Variants in CACNA1S observed in about 807,000 individuals in gnomAD.
CACNA1S encodes voltage-dependent L-type calcium channel subunit alpha-1S.
In CACNA1S, 126 loss-of-function variants were observed where a neutral mutation model predicts 207.4. That is an observed-to-expected ratio of 0.61 (90% CI 0.53 to 0.70). The LOEUF (loss-of-function observed/expected upper bound fraction) is 0.70, where lower values mean the gene tolerates loss of function less well. Among genes scored for constraint, CACNA1S ranks in the 30% least tolerant of loss-of-function variants. The pLI, the probability that CACNA1S is intolerant of heterozygous loss-of-function variation, is 0.00. For missense variants in CACNA1S, 2,349 were observed against 2,422.8 expected, an observed-to-expected ratio of 0.97 and a Z score of 0.64; for synonymous variants, 960 against 932.7, an observed-to-expected ratio of 1.03 and a Z score of -0.53.
chr1:201,077,045 G>C lies in CACNA1S; in HGVS notation c.1702C>G (p.Leu568Val). The change falls in exon 12 of 44, where the codon CTC becomes GTC. Residue 568 changes from leucine (L) to valine (V), a missense_variant. Coordinates refer to ENST00000362061, the MANE Select transcript of CACNA1S (RefSeq NM_000069.3). ...SIASLLLLLF[L>V]FIVIFALLGM... ...AGGAGGGCGAAGATGACGATGAAGAGGAAGAGCAGCAGCAGCAGGGAGGCG... is the reference window on the plus strand; with the variant it reads ...AGGAGGGCGAAGATGACGATGAAGACGAAGAGCAGCAGCAGCAGGGAGGCG... 1 of 1,614,262 alleles carries C rather than the reference G, an allele frequency of 6.2e-7. No homozygotes were observed. The highest frequency in any genetic ancestry group is 1.3e-5 in the African/African-American group (1 of 75,070).
intron 42 of CACNA1S, 30 bp downstream of exon 42, chr1:201,040,592 A>G (rs781381411): frequency 6.3e-7 from 1 of 1,590,490 alleles, no homozygotes; most frequent in South Asian, 1.1e-5. Context: ...CTCTGTATGG[A>G]GTTTGCTCCC....
At chr1:201,075,383 C>T in intron 13 of CACNA1S, 112 bp downstream of exon 13, 5 of 1,329,810 alleles carry the variant, frequency 3.8e-6, no homozygotes, top group Non-Finnish European at 5.3e-6. Flanking sequence ...GAGCTCCCCT[C>T]CAGCCAGAGG....
chr1:201,040,168 C>T (rs1458661396), intron 43 of CACNA1S, 63 bp downstream of exon 43: 17 of 1,611,986 alleles, frequency 1.1e-5, no homozygotes, highest in East Asian at 2.2e-5. Flanking sequence ...CCTCTCTCCA[C>T]GCCAGGCCAT....
At chr1:201,070,745 T>C (rs1412245783) in intron 16 of CACNA1S, among the ~76,000 whole-genome samples, 1 of 152,118 alleles carries the variant, frequency 6.6e-6, no homozygotes, top group Non-Finnish European at 1.5e-5. Flanking sequence ...GAAACGCTGC[T>C]TCAGAAGAAG....
At chr1:201,093,168 C>T (rs1572063511) in intron 3 of CACNA1S, among the ~76,000 whole-genome samples, 1 of 152,200 alleles carries the variant, frequency 6.6e-6, no homozygotes, top group Admixed American at 6.5e-5. Context: ...GCCCTAACCC[C>T]TAGCACCTCA....
At chr1:201,047,924 A>C (rs973249050) in intron 36 of CACNA1S, among the ~76,000 whole-genome samples, 1 of 152,176 alleles carries the variant, frequency 6.6e-6, no homozygotes, top group African/African-American at 2.4e-5. Flanking sequence ...TCAATTCCCC[A>C]GGCACTGTGG....
chr1:201,087,639 T>G (rs1328927049), intron 7 of CACNA1S, among the ~76,000 whole-genome samples, 187 bp downstream of exon 7: 1 of 152,104 alleles, frequency 6.6e-6, no homozygotes, highest in Non-Finnish European at 1.5e-5. Flanking sequence ...AACCCAGGGA[T>G]GAGCCGAGGG....
intron 7 of CACNA1S, among the ~76,000 whole-genome samples, chr1:201,086,823 C>T (rs1423957403): frequency 2.0e-5 from 3 of 152,216 alleles, no homozygotes; most frequent in Non-Finnish European, 4.4e-5. Context: ...AGTGTAAATA[C>T]TATTCGCAAC....
At chr1:201,085,696 G>T in intron 7 of CACNA1S, 115 bp from the exon 8 acceptor site, 2 of 1,261,684 alleles carry the variant, frequency 1.6e-6, no homozygotes, top group South Asian at 2.8e-5. Context: ...TCCTTTTTCT[G>T]GCCCCGGGGT....
rs144986476 is a variant in CACNA1S at position 201,056,436 on chromosome 1, C to G, written c.3610-1875G>C. Reference sequence around the variant, plus strand: ...CTAAGGTTCACCCCACAGGCTGGCACAGCCTAAGGGCTTTCTGTTGAGCAG... The same window carrying G: ...CTAAGGTTCACCCCACAGGCTGGCAGAGCCTAAGGGCTTTCTGTTGAGCAG... On this transcript the variant is annotated intron_variant, in intron 28 of 43. Transcript: ENST00000362061. Among the ~76,000 whole-genome samples, 452 of 152,338 alleles carry G rather than the reference C, an allele frequency of 3.0e-3. 1 individual carries two copies. The highest frequency in any genetic ancestry group is 0.01 in the African/African-American group (418 of 41,574).
chr1:201,062,203 G>A (rs945429037), intron 23 of CACNA1S, 113 bp from the exon 24 acceptor site: 2 of 1,300,272 alleles, frequency 1.5e-6, no homozygotes, highest in African/African-American at 2.9e-5. Flanking sequence ...TTCCAGATCT[G>A]GGACCCAAGG....
At chr1:201,089,536 G>A in intron 5 of CACNA1S, 73 bp from the exon 6 acceptor site, 1 of 1,449,562 alleles carries the variant, frequency 6.9e-7, no homozygotes, top group East Asian at 2.3e-5. Context: ...AGGTGTATAA[G>A]AGCAATTTAA....
intron 12 of CACNA1S, among the ~76,000 whole-genome samples, chr1:201,076,037 C>T (rs1661601692): frequency 6.6e-6 from 1 of 152,206 alleles, no homozygotes; most frequent in Non-Finnish European, 1.5e-5. Flanking sequence ...CACTACACTC[C>T]AGTCTGGGTG....
At chr1:201,108,524 C>T (rs1170609532) in intron 2 of CACNA1S, among the ~76,000 whole-genome samples, 1 of 152,100 alleles carries the variant, frequency 6.6e-6, no homozygotes, top group Non-Finnish European at 1.5e-5. Context: ...TAGAGCTCTC[C>T]CTGCATTCAG....
At chr1:201,047,406 C>A in intron 37 of CACNA1S, 119 bp downstream of exon 37, 1 of 1,240,520 alleles carries the variant, frequency 8.1e-7, no homozygotes, top group Non-Finnish European at 1.2e-6. Flanking sequence ...GTGGGATCTA[C>A]CTAAGGCATT....
Position 201,085,482 on chromosome 1 carries a change from G to A in CACNA1S, c.1104C>T (p.Ser368=). The stretch of plus-strand genomic sequence containing the variant: ...CCATGACCTCGCCCTGCGTGATCCA[G>A]CTCATGTAGCCCCGAAGGTCCTCAT... The part of the protein sequence containing the change: ...QLDEDLRGYM[S]WITQGEVMDV... The change falls in exon 8 of 44, where the codon AGC becomes AGT. Residue 368 remains serine (S), a synonymous_variant. Transcript: ENST00000362061. 1 of 1,613,326 alleles carries A rather than the reference G, an allele frequency of 6.2e-7. No homozygotes were observed. The highest frequency in any genetic ancestry group is 8.5e-7 in the Non-Finnish European group (1 of 1,179,916).
chr1:201,111,482 C>G (rs750768459), intron 1 of CACNA1S, among the ~76,000 whole-genome samples: 4 of 152,114 alleles, frequency 2.6e-5, no homozygotes, highest in Non-Finnish European at 5.9e-5. Context: ...GTTTCAAAGT[C>G]CCTGTCCCCA....
chr1:201,092,670 T>C (rs1343654951), intron 3 of CACNA1S, among the ~76,000 whole-genome samples: 1 of 152,226 alleles, frequency 6.6e-6, no homozygotes, highest in East Asian at 1.9e-4. Flanking sequence ...CTGGGACACA[T>C]TGCGTATGAA....
chr1:201,043,728 A>G (rs1660377151), intron 39 of CACNA1S, among the ~76,000 whole-genome samples, 197 bp from the exon 40 acceptor site: 2 of 152,180 alleles, frequency 1.3e-5, no homozygotes, highest in African/African-American at 4.8e-5. Context: ...TTGATGGGGT[A>G]GACAGCACAC....
Sources: allele counts gnomAD v4.1 joint callset (sites outside exome capture counted in the v4.1 genomes callset), GRCh38; gene constraint gnomAD v4.1.1; transcripts MANE v1.5; gene names NCBI Gene and HGNC (gene_info 2026-07-23, HGNC 2026-07-21).